Variants in SAFB observed in about 807,000 individuals in gnomAD.
SAFB encodes the protein scaffold attachment factor B1.
A neutral mutation model predicts 101.6 loss-of-function variants in SAFB; 15 were observed. The observed-to-expected ratio is 0.15, with a 90% CI of 0.10 to 0.23. The LOEUF (loss-of-function observed/expected upper bound fraction) is 0.23. SAFB is among the 10% of genes least tolerant of loss of function. The pLI, the probability that SAFB is intolerant of heterozygous loss-of-function variation, is 1.00. For synonymous variants in SAFB, 449 were observed against 407.5 expected (o/e 1.10, Z -1.23); for missense variants, 930 against 1,104.1 (o/e 0.84, Z 2.23).
At chr19:5,624,503 CTT>C (rs1568242146) in intron 1 of SAFB, among the ~76,000 whole-genome samples, 1 of 151,980 alleles carries the variant, frequency 6.6e-6, no homozygotes, top group Admixed American at 6.6e-5. Flanking sequence ...ATTCCTGTAG[CTT>C]TTTTTCTCTG....
intron 15 of SAFB, among the ~76,000 whole-genome samples, chr19:5,662,276 T>C (rs1199849027): frequency 6.6e-6 from 1 of 152,094 alleles, no homozygotes; most frequent in South Asian, 2.1e-4. Context: ...GGTGGGCGGA[T>C]TGCCTTAGCT....
chr19:5,649,831 C>T lies in SAFB; in HGVS notation c.1149-95C>T, dbSNP rs536458140. 2.1e-4 allele frequency: 225 copies of T among 1,092,694 alleles called. 1 individual carries two copies. Among genetic ancestry groups the T allele is most frequent in the Non-Finnish European group, 2.9e-4 (209 of 719,226 alleles). The allele number at this position is 1,092,694 out of a possible 1,614,324, so 67.7% of individuals were successfully genotyped here. A position where few individuals can be genotyped will look rare whatever the true frequency, so the allele number is the denominator to read the frequency against. On this transcript the variant is annotated intron_variant, in intron 7 of 20. Transcript: ENST00000588852. Reference sequence around the variant, plus strand: ...GTATCATTTTTTCAGAACTAAATTTCGGGTAGGTATGCAACCTCAGCACGA... The same window carrying T: ...GTATCATTTTTTCAGAACTAAATTTTGGGTAGGTATGCAACCTCAGCACGA...
At chr19:5,662,883 CCA>C (rs2054247178) in intron 15 of SAFB, among the ~76,000 whole-genome samples, 1 of 151,868 alleles carries the variant, frequency 6.6e-6, no homozygotes, top group Non-Finnish European at 1.5e-5. Flanking sequence ...CTCAGGTGAT[CCA>C]CCCACCTCAG....
At chr19:5,627,877 A>T (rs1162932002) in intron 2 of SAFB, among the ~76,000 whole-genome samples, 2 of 152,216 alleles carry the variant, frequency 1.3e-5, no homozygotes, top group Non-Finnish European at 2.9e-5. Context: ...CAGATTGATG[A>T]GGACTAGGGC....
At chr19:5,653,058 C>G (rs1156728694) in intron 9 of SAFB, 57 bp from the exon 10 acceptor site, 6 of 1,593,650 alleles carry the variant, frequency 3.8e-6, no homozygotes, top group Non-Finnish European at 5.1e-6. Context: ...GTTCATATCC[C>G]CATGCCCCGC....
At chr19:5,625,731 G>A (rs2053343033) in intron 1 of SAFB, among the ~76,000 whole-genome samples, 1 of 152,186 alleles carries the variant, frequency 6.6e-6, no homozygotes, top group Admixed American at 6.5e-5. Flanking sequence ...GTGGGAGGCT[G>A]GGCGTGCCAA....
intron 13 of SAFB, 22 bp downstream of exon 13, chr19:5,654,478 A>G (rs747248337): frequency 1.1e-5 from 15 of 1,370,794 alleles, no homozygotes; most frequent in Non-Finnish European, 1.6e-5. Context: ...TTTTCTAACT[A>G]GGGTATTTTG....
At chr19:5,662,267 G>T (rs1376656589) in intron 15 of SAFB, among the ~76,000 whole-genome samples, 12 of 152,176 alleles carry the variant, frequency 7.9e-5, no homozygotes, top group Non-Finnish European at 1.8e-4. Context: ...GGAGGCCAGG[G>T]TGGGCGGATT....
intron 2 of SAFB, among the ~76,000 whole-genome samples, chr19:5,634,036 C>CA (rs1445170672): frequency 6.6e-6 from 1 of 152,074 alleles, no homozygotes; most frequent in Non-Finnish European, 1.5e-5. Context: ...TTTTAGGTGA[C>CA]AGTTATATCA....
At chr19:5,646,394 C>T (rs890109616) in intron 5 of SAFB, among the ~76,000 whole-genome samples, 1 of 152,128 alleles carries the variant, frequency 6.6e-6, no homozygotes, top group Admixed American at 6.5e-5. Flanking sequence ...CAAATTGACA[C>T]GGCCATTCCC....
intron 2 of SAFB, among the ~76,000 whole-genome samples, chr19:5,639,879 C>T (rs1007309945): frequency 3.3e-5 from 5 of 151,670 alleles, no homozygotes; most frequent in African/African-American, 1.2e-4. Context: ...CTTTTGTTGC[C>T]CAGGCTGGAG....
intron 5 of SAFB, among the ~76,000 whole-genome samples, chr19:5,647,001 C>T (rs563217836): frequency 2.6e-5 from 4 of 152,200 alleles, no homozygotes; most frequent in Non-Finnish European, 5.9e-5. Flanking sequence ...TAGGACCAAC[C>T]TCCTGCAACC....
At chr19:5,642,595 G>A (rs2053741521) in intron 4 of SAFB, among the ~76,000 whole-genome samples, 1 of 149,314 alleles carries the variant, frequency 6.7e-6, no homozygotes, top group Non-Finnish European at 1.5e-5. Flanking sequence ...TAAGATTATA[G>A]TGGGTAGTAT....
chr19:5,646,738 A>G (rs1411171363), intron 5 of SAFB, among the ~76,000 whole-genome samples: 1 of 152,202 alleles, frequency 6.6e-6, no homozygotes, highest in Non-Finnish European at 1.5e-5. Flanking sequence ...ACACCTACTT[A>G]TTGGGTATAT....
At chr19:5,652,198 GAAAA>G (rs929516955) in intron 9 of SAFB, among the ~76,000 whole-genome samples, 1 of 141,526 alleles carries the variant, frequency 7.1e-6, no homozygotes, top group South Asian at 2.2e-4. Context: ...CTTAAAAAAA[GAAAA>G]AAAAAAAGGA....
intron 2 of SAFB, among the ~76,000 whole-genome samples, chr19:5,637,117 G>A (rs184087663): frequency 0.017 from 2,536 of 150,864 alleles, 51 homozygotes; most frequent in East Asian, 0.027. Context: ...GGCCGAGGCG[G>A]GTGGATCACG....
intron 1 of SAFB, 48 bp downstream of exon 1, chr19:5,623,442 C>G (rs765331807): frequency 3.9e-6 from 6 of 1,520,510 alleles, no homozygotes; most frequent in Non-Finnish European, 5.4e-6. Context: ...CTGGGGTCCT[C>G]TTGGCCGCGA....
intron 2 of SAFB, among the ~76,000 whole-genome samples, chr19:5,639,914 C>T (rs866814747): frequency 3.3e-5 from 5 of 151,570 alleles, no homozygotes; most frequent in Middle Eastern, 3.4e-3. Context: ...CTCGGCTCAC[C>T]GCAACCTCCA....
Position 5,661,808 on chromosome 19 carries a change from G to T in SAFB, c.2153G>T (p.Arg718Leu), listed in dbSNP as rs778663829. The stretch of plus-strand genomic sequence containing the variant: ...GTGCGGCGGCCCTACGACCTGGACC[G>T]GTAAGCAGATCCATGCTGCCCTTAG... ...PAVRRPYDLD[R>L]RDDAYWPEAK... Residue 718 changes from arginine (R) to leucine (L), a missense_variant and splice_region_variant, in exon 15 of 21, where the codon CGG (arginine) becomes CTG (leucine). This residue lies in a region of SAFB where 318 missense variants were observed against 342.6 expected (regional missense o/e 0.93). Coordinates refer to ENST00000588852, the MANE Select transcript of SAFB (RefSeq NM_001201338.2). 8.4e-6 allele frequency: 13 copies of T among 1,539,908 alleles called. No individual in the cohort carries two copies. The South Asian group carries it at 1.3e-4, about 16-fold the overall frequency.
Sources: allele counts gnomAD v4.1 joint callset (sites outside exome capture counted in the v4.1 genomes callset), GRCh38; gene constraint gnomAD v4.1.1; regional missense constraint gnomAD v4.1.1; transcripts MANE v1.5; gene names NCBI Gene and HGNC (gene_info 2026-07-23, HGNC 2026-07-21).